Variants in CFAP91 observed in about 807,000 individuals in gnomAD.
CFAP91 encodes cilia and flagella associated protein 91.
CFAP91 carries 85 observed loss-of-function variants against 95.9 expected under a neutral mutation model. The observed-to-expected ratio is 0.89, with a 90% CI of 0.74 to 1.06. The LOEUF (loss-of-function observed/expected upper bound fraction) is 1.06. Ranked by LOEUF, CFAP91 falls within the 50% of genes least tolerant of loss-of-function variation. The pLI is 0.00. For missense variants in CFAP91, 962 were observed against 943.4 expected (o/e 1.02, Z -0.26); for synonymous variants, 335 against 327.5 (o/e 1.02, Z -0.25).
intron 15 of CFAP91, 31 bp from the exon 16 acceptor site, chr3:119,747,780 G>T (rs753740014): frequency 8.8e-6 from 14 of 1,584,604 alleles, no homozygotes; most frequent in East Asian, 4.5e-5. Flanking sequence ...AAAAACCAAA[G>T]AAATAATTCA....
In CFAP91 at chr3:119,708,619, G is replaced by A. The variant is rs751437838; in HGVS notation, c.388G>A (p.Glu130Lys). 7 of 1,606,898 alleles carry A rather than the reference G, an allele frequency of 4.4e-6. No individual in the cohort carries two copies. The African/African-American group carries it at 6.7e-5, about 15-fold the overall frequency. Residue 130 changes from glutamate to lysine, a missense_variant, in exon 4 of 18, where the codon GAA becomes AAA. Coordinates refer to ENST00000273390, the MANE Select transcript of CFAP91 (RefSeq NM_033364.4). ...TGACGCTTCTTTTCAGATGCCTAAA[G>A]AAGTTTATGAAGATCCTGAAGTTAC... is the stretch of plus-strand genomic sequence containing the variant. ...TTDASFQMPK[E>K]VYEDPEVTGK... is the part of the protein sequence containing the mutation.
Position 119,707,426 on chromosome 3 carries a change from C to A in CFAP91, c.224C>A (p.Thr75Asn). 6.4e-7 allele frequency: 1 copy of A among 1,570,556 alleles called. No homozygotes were observed. Among genetic ancestry groups the A allele is most frequent in the Non-Finnish European group, 8.7e-7 (1 of 1,151,128 alleles). ...SRLRKVPRFK[T>N]MFSNLIHYPR... Reference sequence around the variant, plus strand: ...TAGAGAAAAGTTCCCAGGTTTAAAACCATGTTCAGTAACCTGATCCATTAT... The same window carrying A: ...TAGAGAAAAGTTCCCAGGTTTAAAAACATGTTCAGTAACCTGATCCATTAT... Residue 75 changes from threonine (T) to asparagine (N), a missense_variant, in exon 3 of 18, where the codon ACC (threonine) becomes AAC (asparagine). Physicochemically the swap from Thr to Asn is moderately conservative, Grantham distance 65. Transcript: ENST00000273390.
At position 119,710,102 on chromosome 3, in the gene CFAP91, G is replaced by A; in HGVS notation, c.500+207G>A. 7.5e-6 allele frequency: 4 copies of A among 530,246 alleles called. No individual in the cohort carries two copies. In the East Asian group the frequency reaches 9.4e-5, roughly 12 times the overall value. The allele number at this position is 530,246 out of a possible 1,614,324, so 32.8% of individuals were successfully genotyped here. ...ATAACCAAAGCATCAAGTATATGGA[G>A]GGTAAGTTGGTTTTTGTTTATAACT... On this transcript the variant is annotated intron_variant, in intron 5 of 17. Coordinates refer to ENST00000273390, the MANE Select transcript of CFAP91 (RefSeq NM_033364.4).
intron 6 of CFAP91, among the ~76,000 whole-genome samples, chr3:119,717,009 C>T (rs1382016779): frequency 6.6e-6 from 1 of 152,188 alleles, no homozygotes; most frequent in Non-Finnish European, 1.5e-5. Context: ...AATTAATAAA[C>T]ATGTAGACAC....
chr3:119,761,413 C>G (rs1028300194), intron 17 of CFAP91, among the ~76,000 whole-genome samples: 2 of 151,798 alleles, frequency 1.3e-5, no homozygotes, highest in Non-Finnish European at 3.0e-5. Context: ...AATGGCTTCA[C>G]TGCTGAATCC....
intron 10 of CFAP91, among the ~76,000 whole-genome samples, chr3:119,735,459 A>G (rs2053983471): frequency 1.3e-5 from 2 of 152,192 alleles, no homozygotes; most frequent in South Asian, 4.1e-4. Flanking sequence ...TTAATTTCTA[A>G]TATCAAAAAA....
rs777545062 is a variant in CFAP91 at position 119,747,903 on chromosome 3, G to A, written c.2143+1G>A. On this transcript the variant is annotated splice_donor_variant, in intron 16 of 17. Coordinates refer to ENST00000273390, the MANE Select transcript of CFAP91 (RefSeq NM_033364.4). LOFTEE classifies it high-confidence loss of function. Reference sequence around the variant, plus strand: ...CAAAAATACTTTGTCAAAGAAAAAGGTAAGCCAATGTAAATGCTTTACTTT... The same window carrying A: ...CAAAAATACTTTGTCAAAGAAAAAGATAAGCCAATGTAAATGCTTTACTTT... The A allele has an allele frequency of 6.2e-7, 1 of 1,603,550 alleles. No homozygotes were observed. Among genetic ancestry groups the A allele is most frequent in the Non-Finnish European group, 8.5e-7 (1 of 1,172,070 alleles).
At chr3:119,757,363 G>A (rs1159813776) in intron 17 of CFAP91, among the ~76,000 whole-genome samples, 1 of 152,102 alleles carries the variant, frequency 6.6e-6, no homozygotes, top group African/African-American at 2.4e-5. Context: ...GAAATATTTG[G>A]CTGGGTGCAG....
chr3:119,734,898 G>T (rs1279074235), intron 10 of CFAP91, among the ~76,000 whole-genome samples: 1 of 152,052 alleles, frequency 6.6e-6, no homozygotes, highest in Non-Finnish European at 1.5e-5. Flanking sequence ...AAAATTATCT[G>T]GGACAAATGT....
At chr3:119,713,078 TTTATTTTTATTTATTTA>T (rs1459571111) in intron 5 of CFAP91, 16 of 147,358 alleles carry the variant, frequency 1.1e-4, no homozygotes, top group Admixed American at 3.6e-4. Context: ...AAATTTTTAT[TTTATTTTTATTTATTTA>T]TTTATTTATT....
Position 119,739,330 on chromosome 3 carries a change from T to TGTAG in CFAP91, c.1533+7_1533+10dup. 6.2e-7 allele frequency: 1 copy of TGTAG among 1,613,858 alleles called. No homozygotes were observed. The stretch of plus-strand genomic sequence containing the variant: ...GGGCAGAGTCGTTCAGAACATGGTG[T>TGTAG]GTAGGTCCAACCGCTGGCCCTGCAT... On this transcript the variant is annotated splice_donor_region_variant and intron_variant, in intron 12 of 17. Coordinates refer to ENST00000273390, the MANE Select transcript of CFAP91 (RefSeq NM_033364.4).
chr3:119,738,924 A>T (rs534666074), intron 11 of CFAP91, among the ~76,000 whole-genome samples: 48 of 152,314 alleles, frequency 3.2e-4, no homozygotes, highest in African/African-American at 6.7e-4. Context: ...TTGCAAAATG[A>T]TGTTATATGC....
rs138935249 is a variant in CFAP91, at chr3:119,753,438, C to T, written c.*1+2340C>T. On this transcript the variant is annotated intron_variant, in intron 17 of 17. Transcript: ENST00000273390. ...TCTCAATCCCAGAAATTGAACTTAA[C>T]GAGATCCTTGGTTTCTATTGCTTCA... Among the ~76,000 whole-genome samples, 106 of 152,232 alleles carry T rather than the reference C, an allele frequency of 7.0e-4. 1 individual carries two copies. Among genetic ancestry groups the T allele is most frequent in the African/African-American group, 2.3e-3 (95 of 41,562 alleles).
intron 10 of CFAP91, among the ~76,000 whole-genome samples, chr3:119,735,283 C>T (rs2053979765): frequency 6.6e-6 from 1 of 151,910 alleles, no homozygotes; most frequent in Non-Finnish European, 1.5e-5. Flanking sequence ...ATATTTCTTT[C>T]TACTTTTTTA....
intron 8 of CFAP91, among the ~76,000 whole-genome samples, chr3:119,732,050 C>T (rs1486262098): frequency 6.6e-6 from 1 of 152,296 alleles, no homozygotes; most frequent in East Asian, 1.9e-4. Flanking sequence ...AGATTTTTGA[C>T]GAGTACCGAT....
chr3:119,754,328 G>A (rs867361179), intron 17 of CFAP91, among the ~76,000 whole-genome samples: 1 of 152,232 alleles, frequency 6.6e-6, no homozygotes, highest in Non-Finnish European at 1.5e-5. Flanking sequence ...GAGCAACTTG[G>A]TTCCTCCTGA....
In CFAP91 at chr3:119,707,523, TAAG is replaced by T; in HGVS notation, c.322_324del (p.Lys108del). The T allele has an allele frequency of 6.3e-7, 1 of 1,594,664 alleles. No homozygotes were observed. The highest frequency in any genetic ancestry group is 8.6e-7 in the Non-Finnish European group (1 of 1,166,728). On this transcript the variant is annotated inframe_deletion, in exon 3 of 18. Coordinates refer to ENST00000273390, the MANE Select transcript of CFAP91 (RefSeq NM_033364.4). ...TTATCAGTCGGGAATGGAAGGGACATAAGGAGAAACACAGAGAAGCCCTCCGGC... is the reference window on the plus strand; with the variant it reads ...TTATCAGTCGGGAATGGAAGGGACATGAGAAACACAGAGAAGCCCTCCGGC...
intron 16 of CFAP91, chr3:119,749,142 G>A (rs536098113): frequency 6.6e-6 from 1 of 152,270 alleles, no homozygotes; most frequent in East Asian, 1.9e-4. Flanking sequence ...TGAGTTCAAA[G>A]TGAGGCCAGC....
intron 6 of CFAP91, among the ~76,000 whole-genome samples, chr3:119,717,045 C>T (rs73192047): frequency 0.015 from 2,356 of 152,248 alleles, 18 homozygotes; most frequent in Non-Finnish European, 0.024. Flanking sequence ...AGAAAATATT[C>T]GTAATGTAGA....
Sources: gnomAD v4.1 joint callset for allele counts (sites outside exome capture counted in the v4.1 genomes callset) on GRCh38, gnomAD v4.1.1 for gene constraint, MANE v1.5 for transcripts, NCBI Gene and HGNC (gene_info 2026-07-23, HGNC 2026-07-21) for gene names.